Variants in CACNA2D3 observed in about 807,000 individuals in gnomAD.
CACNA2D3 encodes calcium voltage-gated channel auxiliary subunit alpha2delta 3.
In CACNA2D3, 60 loss-of-function variants were observed where a neutral mutation model predicts 160.6. The observed-to-expected ratio is 0.37, with a 90% CI of 0.30 to 0.46. The LOEUF (loss-of-function observed/expected upper bound fraction) is 0.46. Ranked by LOEUF, CACNA2D3 falls within the 20% of genes least tolerant of loss-of-function variation. The pLI, the probability that CACNA2D3 is intolerant of heterozygous loss-of-function variation, is 1.00. For missense variants in CACNA2D3, 1,205 were observed against 1,365.0 expected, an observed-to-expected ratio of 0.88 and a Z score of 1.85; for synonymous variants, 558 against 492.9, an observed-to-expected ratio of 1.13 and a Z score of -1.75.
chr3:54,481,842 A>G (rs531707505), intron 4 of CACNA2D3, among the ~76,000 whole-genome samples: 2 of 152,200 alleles, frequency 1.3e-5, no homozygotes, highest in Non-Finnish European at 2.9e-5. Context: ...TATGGGTGCA[A>G]ATGTGCTCAC....
At chr3:54,496,038 G>A (rs969093777) in intron 4 of CACNA2D3, among the ~76,000 whole-genome samples, 3 of 152,166 alleles carry the variant, frequency 2.0e-5, no homozygotes, top group Non-Finnish European at 2.9e-5. Flanking sequence ...TCACAGATTT[G>A]TTAATCCTTT....
Position 54,276,216 on chromosome 3 carries a change from G to A in CACNA2D3, c.205-44226G>A, listed in dbSNP as rs1702735317. 2.6e-5 allele frequency among the ~76,000 whole-genome samples: 4 copies of A among 152,116 alleles called. No individual in the cohort carries two copies. The South Asian group carries it at 8.3e-4, about 32-fold the overall frequency. The stretch of plus-strand genomic sequence containing the variant: ...CTTGTTGAGGAGTGAACAGTCAGCA[G>A]GGTTCACACTGGAAAGATGAAGATG... On this transcript the variant is annotated intron_variant, in intron 2 of 37. Coordinates refer to ENST00000474759, the MANE Select transcript of CACNA2D3 (RefSeq NM_018398.3).
intron 4 of CACNA2D3, among the ~76,000 whole-genome samples, chr3:54,421,772 C>G (rs952835530): frequency 6.6e-6 from 1 of 152,088 alleles, no homozygotes; most frequent in Non-Finnish European, 1.5e-5. Context: ...AGCCACTGAG[C>G]AGTGTATTGC....
intron 3 of CACNA2D3, among the ~76,000 whole-genome samples, chr3:54,346,191 C>T (rs892998113): frequency 5.3e-5 from 8 of 152,084 alleles, no homozygotes; most frequent in South Asian, 4.1e-4. Flanking sequence ...CCGAGATGAC[C>T]GTAAAACATG....
chr3:54,379,984 G>A (rs2106641980), intron 3 of CACNA2D3, among the ~76,000 whole-genome samples: 1 of 152,272 alleles, frequency 6.6e-6, no homozygotes, highest in Non-Finnish European at 1.5e-5. Context: ...CTACAAAGCA[G>A]CAAAGATTAA....
At chr3:54,778,452 A>G (rs1001765233) in intron 13 of CACNA2D3, among the ~76,000 whole-genome samples, 10 of 151,314 alleles carry the variant, frequency 6.6e-5, no homozygotes, top group Non-Finnish European at 1.3e-4. Flanking sequence ...CACTCCATTC[A>G]GAAGCCTCTG....
intron 4 of CACNA2D3, among the ~76,000 whole-genome samples, chr3:54,492,830 G>A (rs1463588174): frequency 6.6e-6 from 1 of 152,162 alleles, no homozygotes; most frequent in Non-Finnish European, 1.5e-5. Context: ...GTATGCTGTA[G>A]AATGACTTTC....
chr3:54,550,448 G>A (rs1486888905), intron 5 of CACNA2D3, among the ~76,000 whole-genome samples: 3 of 152,324 alleles, frequency 2.0e-5, no homozygotes, highest in East Asian at 1.9e-4. Flanking sequence ...CGCCAAGAAA[G>A]CACCCCCTGG....
At chr3:54,998,886 A>G (rs1702919771) in intron 31 of CACNA2D3, among the ~76,000 whole-genome samples, 1 of 152,110 alleles carries the variant, frequency 6.6e-6, no homozygotes, top group Admixed American at 6.6e-5. Context: ...AGCTGGGACT[A>G]CAGGCACCTG....
At chr3:54,987,400 G>A (rs992357011) in intron 30 of CACNA2D3, among the ~76,000 whole-genome samples, 1 of 152,168 alleles carries the variant, frequency 6.6e-6, no homozygotes, top group African/African-American at 2.4e-5. Flanking sequence ...GGGTAGTGGG[G>A]TATGTGTGTG....
rs150588911 is a variant in CACNA2D3, at chr3:54,620,185, G to A, written c.964-7602G>A. Among the ~76,000 whole-genome samples the A allele has an allele frequency of 2.1e-3, 320 of 152,282 alleles. 1 individual carries two copies. Among genetic ancestry groups the A allele is most frequent in the African/African-American group, 7.3e-3 (303 of 41,560 alleles). ...GGACATGGCTGTTGGGACCCTGCTC[G>A]TCATTTAGGCTGATAGGAGCCACAT... On this transcript the variant is annotated intron_variant, in intron 9 of 37. Transcript: ENST00000474759.
At chr3:54,372,684 G>T (rs545346820) in intron 3 of CACNA2D3, among the ~76,000 whole-genome samples, 1 of 152,244 alleles carries the variant, frequency 6.6e-6, no homozygotes, top group African/African-American at 2.4e-5. Context: ...GTTATAATTA[G>T]GGTTGACAAA....
chr3:55,014,686 C>T (rs934878478), intron 34 of CACNA2D3, among the ~76,000 whole-genome samples: 12 of 152,128 alleles, frequency 7.9e-5, no homozygotes, highest in African/African-American at 2.2e-4. Context: ...GAGCCGAGAT[C>T]ACAGCACTGT....
At chr3:54,234,651 A>G (rs1701840949) in intron 2 of CACNA2D3, among the ~76,000 whole-genome samples, 1 of 152,236 alleles carries the variant, frequency 6.6e-6, no homozygotes, top group African/African-American at 2.4e-5. Flanking sequence ...AATGTGGTGT[A>G]TATACACCAT....
chr3:54,535,450 A>G (rs1455384993), intron 5 of CACNA2D3, among the ~76,000 whole-genome samples: 3 of 152,208 alleles, frequency 2.0e-5, no homozygotes, highest in Admixed American at 6.5e-5. Flanking sequence ...ATTTTATTCT[A>G]TAAAAGCATA....
At chr3:54,613,992 T>C (rs79640999) in intron 9 of CACNA2D3, among the ~76,000 whole-genome samples, 15 of 152,314 alleles carry the variant, frequency 9.8e-5, no homozygotes, top group Admixed American at 9.8e-4. Flanking sequence ...TGTGTGCTTA[T>C]TGATTGAGAT....
chr3:54,810,400 A>G (rs543006207), intron 13 of CACNA2D3, among the ~76,000 whole-genome samples: 2 of 152,300 alleles, frequency 1.3e-5, no homozygotes, highest in South Asian at 2.1e-4. Context: ...CATAGGTTTT[A>G]GAGTTTGAGC....
At chr3:54,843,107 G>A (rs558594955) in intron 16 of CACNA2D3, among the ~76,000 whole-genome samples, 130 of 151,454 alleles carry the variant, frequency 8.6e-4, no homozygotes, top group Middle Eastern at 3.4e-3. Flanking sequence ...GATTACAGGT[G>A]CCCGCCACCA....
chr3:54,911,771 T>C (rs1357594692), intron 27 of CACNA2D3, among the ~76,000 whole-genome samples: 2 of 152,192 alleles, frequency 1.3e-5, no homozygotes, highest in Non-Finnish European at 1.5e-5. Context: ...ATAAGTAATA[T>C]CATGTCACTC....
Sources: gnomAD v4.1 joint callset for allele counts (sites outside exome capture counted in the v4.1 genomes callset) on GRCh38, gnomAD v4.1.1 for gene constraint, MANE v1.5 for transcripts, NCBI Gene and HGNC (gene_info 2026-07-23, HGNC 2026-07-21) for gene names.